ARID1B: variants seen among roughly 807,000 people sequenced by gnomAD.
ARID1B encodes the protein AT-rich interaction domain 1B.
Under a neutral mutation model 212.3 loss-of-function variants are expected in ARID1B, and 30 were observed. The observed-to-expected ratio is 0.14, with a 90% CI of 0.11 to 0.19. ARID1B has a LOEUF of 0.19. Ranked by LOEUF, ARID1B falls within the 10% of genes least tolerant of loss-of-function variation. ARID1B has a pLI of 1.00. For synonymous variants in ARID1B, 1,402 were observed against 1,301.7 expected, an observed-to-expected ratio of 1.08 and a Z score of -1.66; for missense variants, 2,891 against 3,204.0, an observed-to-expected ratio of 0.90 and a Z score of 2.36.
chr6:156,820,069 C>CA (rs1782246138), intron 1 of ARID1B, among the ~76,000 whole-genome samples: 1 of 151,942 alleles, frequency 6.6e-6, no homozygotes, highest in African/African-American at 2.4e-5. Flanking sequence ...TCTCTGAGGT[C>CA]AGAGAGAGGC....
intron 2 of ARID1B, among the ~76,000 whole-genome samples, chr6:156,877,674 C>T (rs2074752798): frequency 6.6e-6 from 1 of 151,748 alleles, no homozygotes; most frequent in Non-Finnish European, 1.5e-5. Flanking sequence ...GGGTCCATGC[C>T]ACCTGTAGGC....
intron 4 of ARID1B, among the ~76,000 whole-genome samples, chr6:156,962,712 C>A (rs751684006): frequency 6.6e-6 from 1 of 152,132 alleles, no homozygotes; most frequent in Admixed American, 6.5e-5. Flanking sequence ...TAAACTCCCA[C>A]GCTCAAGAGA....
chr6:157,171,549 G>A (rs973146099), intron 9 of ARID1B, among the ~76,000 whole-genome samples: 1 of 152,188 alleles, frequency 6.6e-6, no homozygotes, highest in Non-Finnish European at 1.5e-5. Context: ...AAAAACCACA[G>A]TAAGGAAAGA....
At chr6:157,156,405 T>C (rs1253860053) in intron 8 of ARID1B, among the ~76,000 whole-genome samples, 3 of 152,268 alleles carry the variant, frequency 2.0e-5, no homozygotes, top group Non-Finnish European at 2.9e-5. Flanking sequence ...TTTGAATGAA[T>C]GTTATTATGT....
rs1167661156 is a variant in ARID1B at position 157,039,634 on chromosome 6, CTTCCTTCCTTCT to C, written c.2248-45016_2248-45005del. Among the ~76,000 whole-genome samples, 305 of 123,272 alleles carry C rather than the reference CTTCCTTCCTTCT, an allele frequency of 2.5e-3. 5 individuals carry two copies. The highest frequency in any genetic ancestry group is 2.7e-3 in the African/African-American group (81 of 30,358). The allele number at this position is 123,272 out of a possible 152,430, so 80.9% of individuals were successfully genotyped here. ...GCTACCTACCTTCCTTCCTTCCTTC[CTTCCTTCCTTCT>C]TTCCTTCCTTCCTTCCTTCCTTCCT... On this transcript the variant is annotated intron_variant, in intron 4 of 19. Coordinates refer to ENST00000636930, the MANE Select transcript of ARID1B (RefSeq NM_001374828.1).
intron 4 of ARID1B, among the ~76,000 whole-genome samples, chr6:156,966,683 C>T (rs903672967): frequency 1.3e-5 from 2 of 151,742 alleles, no homozygotes; most frequent in African/African-American, 2.4e-5. Context: ...GCATGAGCCA[C>T]TGCGCCTGGC....
intron 2 of ARID1B, among the ~76,000 whole-genome samples, chr6:156,851,200 CT>C (rs950797653): frequency 2.0e-5 from 3 of 152,178 alleles, no homozygotes; most frequent in African/African-American, 4.8e-5. Flanking sequence ...CAGAGCCCCC[CT>C]GCAAGCACTA....
intron 4 of ARID1B, among the ~76,000 whole-genome samples, chr6:156,982,936 GT>G (rs1462166586): frequency 6.6e-6 from 1 of 151,906 alleles, no homozygotes; most frequent in Non-Finnish European, 1.5e-5. Context: ...TAAGAGTGAG[GT>G]GCATTAAAGG....
rs1785337358 is a variant in ARID1B at position 156,861,602 on chromosome 6, C to A, written c.1986+32181C>A. 4.6e-5 allele frequency among the ~76,000 whole-genome samples: 7 copies of A among 151,776 alleles called. No homozygotes were observed. In the South Asian group the frequency reaches 1.5e-3, roughly 32 times the overall value. On this transcript the variant is annotated intron_variant, in intron 2 of 19. Transcript: ENST00000636930. ...CTCAAGCCTGGGTTTCAGAGTGAGA[C>A]CCTGTCTCAAAAAATAAAAAAATAA...
chr6:156,832,658 C>G (rs1783224021), intron 2 of ARID1B, among the ~76,000 whole-genome samples: 1 of 152,168 alleles, frequency 6.6e-6, no homozygotes, highest in African/African-American at 2.4e-5. Context: ...GGCTGGCGTT[C>G]TGCTCCTGTG....
At chr6:156,976,376 C>T (rs546364873) in intron 4 of ARID1B, 6 of 163,224 alleles carry the variant, frequency 3.7e-5, no homozygotes, top group South Asian at 1.5e-4. Flanking sequence ...GGTCATTGCC[C>T]GTTTCTCACT....
In ARID1B at chr6:156,933,633, G is replaced by T. The variant is rs186225879; in HGVS notation, c.2137-1833G>T. On this transcript the variant is annotated intron_variant, in intron 3 of 19. Transcript: ENST00000636930. ...CTCTGTAAGTGTCCTTGGATTGCCT[G>T]TGCTTACTCTCACCTTATTGTTATC... 5.3e-5 allele frequency among the ~76,000 whole-genome samples: 8 copies of T among 152,326 alleles called. No individual in the cohort carries two copies. In the East Asian group the frequency reaches 1.5e-3, roughly 29 times the overall value.
At chr6:157,124,792 A>G (rs1227593745) in intron 6 of ARID1B, among the ~76,000 whole-genome samples, 2 of 152,214 alleles carry the variant, frequency 1.3e-5, no homozygotes, top group Non-Finnish European at 2.9e-5. Flanking sequence ...GAAAAAAAAA[A>G]AAGTTTGAAA....
Position 157,190,094 on chromosome 6 carries a change from C to T in ARID1B, c.4115C>T (p.Pro1372Leu), listed in dbSNP as rs150196933. Residue 1372 changes from proline (P) to leucine (L), a missense_variant, in exon 15 of 20, where the codon CCG (proline) becomes CTG (leucine). Physicochemically the swap from Pro to Leu is moderately conservative, Grantham distance 98. Transcript: ENST00000636930. This position sits in a 1 kb window ranked among gnomAD's most constrained non-coding sequence, Gnocchi z 4.6. ...TCAGATGTGAGTGATTCATCCTTCC[C>T]GAAACGGAACTCCATGACTCCAAAC... ...PFSDVSDSSF[P>L]KRNSMTPNAP... 13 of 1,614,092 alleles carry T rather than the reference C, an allele frequency of 8.1e-6. No homozygotes were observed. The highest frequency in any genetic ancestry group is 1.6e-4 in the Middle Eastern group (1 of 6,082).
intron 4 of ARID1B, among the ~76,000 whole-genome samples, chr6:157,009,982 A>T (rs1267039163): frequency 2.6e-5 from 4 of 152,224 alleles, no homozygotes; most frequent in Admixed American, 2.6e-4. Flanking sequence ...TCTGCTCTTT[A>T]TGAAGCAATT....
At chr6:156,822,759 G>A (rs923476571) in intron 1 of ARID1B, among the ~76,000 whole-genome samples, 3 of 152,190 alleles carry the variant, frequency 2.0e-5, no homozygotes, top group Non-Finnish European at 2.9e-5. Context: ...GCTTCTGGGT[G>A]GTGCCACTGG....
chr6:157,161,421 T>TTGTGTGTGTGTGTG (rs527696446), intron 8 of ARID1B, among the ~76,000 whole-genome samples: 20 of 135,750 alleles, frequency 1.5e-4, no homozygotes, highest in African/African-American at 5.8e-4. Flanking sequence ...TCTGTTTTGA[T>TTGTGTGTGTGTGTG]TGTGTGTGTG....
rs2114976681 is a variant in ARID1B at position 156,778,508 on chromosome 6, G to A, written c.828G>A (p.Gly276=). The change falls in exon 1 of 20, where the codon GGG becomes GGA. Residue 276 remains glycine, a synonymous_variant. Transcript: ENST00000636930. Reference sequence around the variant, plus strand: ...AGGACGACGCGCCGCCCAAGATGGGGGAGCCGGCGGGCGGCCGCTACGAGC... The same window carrying A: ...AGGACGACGCGCCGCCCAAGATGGGAGAGCCGGCGGGCGGCCGCTACGAGC... ...GDEDDAPPKM[G]EPAGGRYEHP... 1.6e-6 allele frequency: 2 copies of A among 1,241,976 alleles called. No individual in the cohort carries two copies. The highest frequency in any genetic ancestry group is 3.6e-5 in the South Asian group (1 of 27,796). The allele number at this position is 1,241,976 out of a possible 1,614,324, so 76.9% of individuals were successfully genotyped here.
intron 4 of ARID1B, chr6:156,936,277 G>A (rs577465628): frequency 6.6e-6 from 1 of 150,752 alleles, no homozygotes; most frequent in South Asian, 2.1e-4. Context: ...AGGAGGCAGA[G>A]GTTGTGGTGA....
Sources: allele counts gnomAD v4.1 joint callset (sites outside exome capture counted in the v4.1 genomes callset), GRCh38; gene constraint gnomAD v4.1.1; non-coding constraint Gnocchi (gnomAD v3.1); transcripts MANE v1.5; gene names NCBI Gene and HGNC (gene_info 2026-07-23, HGNC 2026-07-21).